PRKD1: variants seen among roughly 807,000 people sequenced by gnomAD.
The protein encoded by PRKD1 is protein kinase D1.
Under a neutral mutation model 95.9 loss-of-function variants are expected in PRKD1, and 63 were observed. The ratio of observed to expected loss-of-function variants is 0.66; its 90% CI spans 0.54 to 0.81. PRKD1 has a LOEUF of 0.81. Ranked by LOEUF, PRKD1 falls within the 30% of genes least tolerant of loss-of-function variation. The probability of loss-of-function intolerance (pLI) is 0.00; values close to 1 mark genes in which losing one functional copy is unlikely to be tolerated. For synonymous variants in PRKD1, 425 were observed against 423.1 expected, an observed-to-expected ratio of 1.00 and a Z score of -0.05; for missense variants, 1,048 against 1,165.3, an observed-to-expected ratio of 0.90 and a Z score of 1.47.
intron 2 of PRKD1, among the ~76,000 whole-genome samples, chr14:29,677,219 C>A (rs931898647): frequency 2.6e-5 from 4 of 152,180 alleles, no homozygotes; most frequent in Non-Finnish European, 5.9e-5. Flanking sequence ...ACTTATCAAG[C>A]ACTTACTTTT....
At chr14:29,792,882 G>A (rs1214756454) in intron 1 of PRKD1, among the ~76,000 whole-genome samples, 1 of 152,050 alleles carries the variant, frequency 6.6e-6, no homozygotes. Flanking sequence ...CCAATTTGAG[G>A]CCATTGCTTT....
Position 29,627,453 on chromosome 14 carries a change from AC to A in PRKD1, c.1726-898del, listed in dbSNP as rs1879699256. ...TCCAATTTCATCACTTCGGGAGCTA[AC>A]AAGTTCCAAAAGTCTAATTCTTTCT... On this transcript the variant is annotated intron_variant, in intron 11 of 17. Coordinates refer to ENST00000331968, the MANE Select transcript of PRKD1 (RefSeq NM_002742.3). 2.0e-5 allele frequency among the ~76,000 whole-genome samples: 3 copies of A among 152,316 alleles called. No individual in the cohort carries two copies. In the South Asian group the frequency reaches 6.2e-4, roughly 32 times the overall value.
At chr14:29,923,166 A>T (rs1895180715) in intron 1 of PRKD1, among the ~76,000 whole-genome samples, 1 of 150,788 alleles carries the variant, frequency 6.6e-6, no homozygotes, top group Non-Finnish European at 1.5e-5. Context: ...GGAGGCCAAG[A>T]CTGCAGTGAG....
intron 4 of PRKD1, among the ~76,000 whole-genome samples, chr14:29,650,738 A>T (rs977542952): frequency 1.3e-5 from 2 of 152,220 alleles, no homozygotes; most frequent in East Asian, 3.8e-4. Context: ...TCATTAGGTA[A>T]CATTCTTGAG....
At chr14:29,615,105 G>A (rs1878765569) in intron 13 of PRKD1, among the ~76,000 whole-genome samples, 1 of 152,080 alleles carries the variant, frequency 6.6e-6, no homozygotes, top group African/African-American at 2.4e-5. Flanking sequence ...ATATAATTCT[G>A]TAGGGAAAGT....
intron 2 of PRKD1, among the ~76,000 whole-genome samples, chr14:29,708,190 TC>T (rs1411047846): frequency 1.3e-5 from 2 of 151,798 alleles, no homozygotes; most frequent in African/African-American, 2.4e-5. Context: ...CCAAATCAAG[TC>T]CCCAAATGAG....
chr14:29,892,503 T>A (rs561878939), intron 1 of PRKD1, among the ~76,000 whole-genome samples: 1 of 152,122 alleles, frequency 6.6e-6, no homozygotes, highest in South Asian at 2.1e-4. Context: ...AGTTTCCATG[T>A]TGACAGATCT....
intron 3 of PRKD1, among the ~76,000 whole-genome samples, chr14:29,665,178 T>C (rs575009157): frequency 6.6e-6 from 1 of 152,314 alleles, no homozygotes; most frequent in African/African-American, 2.4e-5. Context: ...TGCTACACTA[T>C]TGTAGAGGGC....
intron 2 of PRKD1, among the ~76,000 whole-genome samples, chr14:29,676,046 T>C (rs1353455765): frequency 1.3e-5 from 2 of 151,496 alleles, no homozygotes; most frequent in African/African-American, 2.4e-5. Flanking sequence ...CGTTAATGGG[T>C]GCAGCACACC....
intron 1 of PRKD1, among the ~76,000 whole-genome samples, chr14:29,810,189 A>G (rs180713051): frequency 1.3e-5 from 2 of 152,330 alleles, no homozygotes; most frequent in Admixed American, 1.3e-4. Context: ...AAATATAATA[A>G]AAGTTTGAAA....
intron 1 of PRKD1, among the ~76,000 whole-genome samples, chr14:29,755,619 A>C (rs1444873455): frequency 6.6e-6 from 1 of 152,080 alleles, no homozygotes; most frequent in African/African-American, 2.4e-5. Flanking sequence ...GGATTTCTAA[A>C]ACTTTGCTCC....
At chr14:29,727,331 C>A (rs1886209098) in intron 1 of PRKD1, among the ~76,000 whole-genome samples, 1 of 152,006 alleles carries the variant, frequency 6.6e-6, no homozygotes, top group Admixed American at 6.6e-5. Context: ...AAAATCTTCT[C>A]CCATTTTGTG....
At chr14:29,578,740 G>A (rs1473132701) in intron 16 of PRKD1, among the ~76,000 whole-genome samples, 3 of 151,876 alleles carry the variant, frequency 2.0e-5, no homozygotes, top group Non-Finnish European at 2.9e-5. Context: ...TCAAGATAAA[G>A]CATTTACTAA....
At chr14:29,816,806 C>G (rs1040205156) in intron 1 of PRKD1, among the ~76,000 whole-genome samples, 15 of 152,078 alleles carry the variant, frequency 9.9e-5, no homozygotes, top group African/African-American at 3.6e-4. Context: ...TTATGTGACC[C>G]TATGATTAGT....
intron 1 of PRKD1, among the ~76,000 whole-genome samples, chr14:29,875,364 C>T (rs1893249978): frequency 6.6e-6 from 1 of 152,012 alleles, no homozygotes; most frequent in African/African-American, 2.4e-5. Flanking sequence ...TTAAATTGTG[C>T]CTATGATGCA....
intron 1 of PRKD1, among the ~76,000 whole-genome samples, chr14:29,760,944 AT>A (rs1336162703): frequency 1.3e-5 from 2 of 151,816 alleles, no homozygotes; most frequent in African/African-American, 4.8e-5. Flanking sequence ...CAAAATCTTT[AT>A]TTTTTTCTTT....
In PRKD1 at chr14:29,663,804, G is replaced by C. The variant is rs200522575; in HGVS notation, c.591C>G (p.Ser197Arg). The C allele has an allele frequency of 5.0e-6, 8 of 1,613,960 alleles. No individual in the cohort carries two copies. In the East Asian group the frequency reaches 1.8e-4, roughly 36 times the overall value. Residue 197 changes from serine to arginine, a missense_variant, in exon 4 of 18, where the codon AGC becomes AGG. Ser to Arg is a moderately radical substitution (Grantham distance 110, BLOSUM62 -1). Around this residue, in one of 3 missense-constraint regions of PRKD1, gnomAD observed 275 missense variants for 248.6 expected, o/e 1.11. Transcript: ENST00000331968. Reference sequence around the variant, plus strand: ...TTGAGAGCCTTCTCCGCCTCACACCGCTGCAATTGTTGGGTATTTTAAATG... The same window carrying C: ...TTGAGAGCCTTCTCCGCCTCACACCCCTGCAATTGTTGGGTATTTTAAATG... The part of the protein sequence containing the change: ...RCAFKIPNNC[S>R]GVRRRRLSNV...
intron 1 of PRKD1, among the ~76,000 whole-genome samples, chr14:29,740,355 A>T (rs939276096): frequency 6.6e-6 from 1 of 152,228 alleles, no homozygotes; most frequent in African/African-American, 2.4e-5. Context: ...CAACTAAAAA[A>T]GTTTAACCAA....
chr14:29,665,949 C>T, intron 3 of PRKD1, 128 bp downstream of exon 3: 1 of 1,031,178 alleles, frequency 9.7e-7, no homozygotes, highest in Middle Eastern at 2.3e-4. Flanking sequence ...ATATGTACCA[C>T]ATTTTCTTTA....
Sources: allele counts gnomAD v4.1 joint callset (sites outside exome capture counted in the v4.1 genomes callset), GRCh38; gene constraint gnomAD v4.1.1; regional missense constraint gnomAD v4.1.1; transcripts MANE v1.5; gene names NCBI Gene and HGNC (gene_info 2026-07-23, HGNC 2026-07-21).